The following HIVEP3 variants were observed in gnomAD, a reference collection of about 807,000 sequenced individuals.
HIVEP3 encodes the protein transcription factor HIVEP3.
HIVEP3 carries 49 observed loss-of-function variants against 152.8 expected under a neutral mutation model. The observed-to-expected ratio is 0.32, with a 90% CI of 0.26 to 0.41. The LOEUF is 0.41. Among genes scored for constraint, HIVEP3 ranks in the 10% least tolerant of loss-of-function variants. HIVEP3 has a pLI of 1.00. For synonymous variants in HIVEP3, 1,269 were observed against 1,289.0 expected (o/e 0.98, Z 0.33); for missense variants, 2,790 against 3,103.3 (o/e 0.90, Z 2.40).
chr1:42,014,920 C>T (rs1415175961), intron 1 of HIVEP3, among the ~76,000 whole-genome samples: 1 of 152,144 alleles, frequency 6.6e-6, no homozygotes, highest in Admixed American at 6.5e-5. Context: ...AGAAAGGTCT[C>T]ATTCTGTGGC....
chr1:41,992,330 C>T (rs1050671416), intron 1 of HIVEP3, among the ~76,000 whole-genome samples: 2 of 150,546 alleles, frequency 1.3e-5, no homozygotes, highest in Non-Finnish European at 2.9e-5. Context: ...GTACAAAAAT[C>T]ACAAGCATTC....
At chr1:41,888,343 C>A (rs549636782) in intron 1 of HIVEP3, among the ~76,000 whole-genome samples, 1 of 151,634 alleles carries the variant, frequency 6.6e-6, no homozygotes, top group African/African-American at 2.4e-5. Flanking sequence ...TGAGCCACCA[C>A]GCCCGGCCTA....
At chr1:41,576,890 C>T (rs1304981954) in intron 4 of HIVEP3, among the ~76,000 whole-genome samples, 2 of 152,204 alleles carry the variant, frequency 1.3e-5, no homozygotes, top group Non-Finnish European at 2.9e-5. Context: ...ATAATCTCTT[C>T]AGATTTGGAG....
intron 1 of HIVEP3, among the ~76,000 whole-genome samples, chr1:41,722,082 C>A (rs1250192458): frequency 6.6e-6 from 1 of 152,208 alleles, no homozygotes; most frequent in Non-Finnish European, 1.5e-5. Context: ...TGCCCCTACC[C>A]CTGCCCCTGG....
chr1:42,032,181 C>A (rs980905986), intron 1 of HIVEP3, among the ~76,000 whole-genome samples: 2 of 152,214 alleles, frequency 1.3e-5, no homozygotes, highest in African/African-American at 4.8e-5. Context: ...CACACCCCAA[C>A]CCCATCTCTG....
chr1:41,544,850 C>CTGT (rs1237058727), intron 5 of HIVEP3, among the ~76,000 whole-genome samples: 1 of 41,504 alleles, frequency 2.4e-5, no homozygotes, highest in Admixed American at 2.8e-4. Context: ...CCACTACCAC[C>CTGT]ACCACCACCA....
chr1:41,779,954 C>T (rs1204556570), intron 1 of HIVEP3, among the ~76,000 whole-genome samples: 1 of 152,188 alleles, frequency 6.6e-6, no homozygotes, highest in African/African-American at 2.4e-5. Flanking sequence ...ACCTCATTTC[C>T]CTCACTTCCA....
chr1:41,839,352 G>A lies in HIVEP3; in HGVS notation c.-801+79061C>T, dbSNP rs143126229. Among the ~76,000 whole-genome samples, 38 of 152,282 alleles carry A rather than the reference G, an allele frequency of 2.5e-4. No homozygotes were observed. In the East Asian group the frequency reaches 6.4e-3, roughly 26 times the overall value. The stretch of plus-strand genomic sequence containing the variant: ...TCAGAACTTGCAAGACCATTGTCCC[G>A]ATGATTGCTGGGGTTCCTTCTGGTT... On this transcript the variant is annotated intron_variant, in intron 1 of 8. Transcript: ENST00000372583.
chr1:41,606,404 A>G (rs1246265437), intron 3 of HIVEP3, among the ~76,000 whole-genome samples: 1 of 151,974 alleles, frequency 6.6e-6, no homozygotes, highest in Non-Finnish European at 1.5e-5. Flanking sequence ...CATAACAATT[A>G]CATTCTCATC....
chr1:41,744,704 T>C (rs1268990895), intron 1 of HIVEP3, among the ~76,000 whole-genome samples: 1 of 152,182 alleles, frequency 6.6e-6, no homozygotes, highest in Non-Finnish European at 1.5e-5. Flanking sequence ...ATTCAAGGGG[T>C]GAACAAGAAG....
At chr1:42,027,837 T>C (rs1248834605) in intron 1 of HIVEP3, among the ~76,000 whole-genome samples, 1 of 152,152 alleles carries the variant, frequency 6.6e-6, no homozygotes, top group Non-Finnish European at 1.5e-5. Flanking sequence ...TCAGATCTCA[T>C]GAGACTCACT....
intron 5 of HIVEP3, among the ~76,000 whole-genome samples, chr1:41,562,405 T>A (rs1406523493): frequency 6.6e-6 from 1 of 152,186 alleles, no homozygotes; most frequent in Non-Finnish European, 1.5e-5. Flanking sequence ...GCTGCATGGC[T>A]AAAAAATATT....
chr1:41,860,896 G>A (rs1250191290), intron 1 of HIVEP3, among the ~76,000 whole-genome samples: 6 of 152,322 alleles, frequency 3.9e-5, no homozygotes, highest in South Asian at 4.2e-4. Flanking sequence ...GCAGAGCAGC[G>A]AAACTGGCAG....
At chr1:41,889,579 G>A (rs1195383440) in intron 1 of HIVEP3, among the ~76,000 whole-genome samples, 1 of 152,154 alleles carries the variant, frequency 6.6e-6, no homozygotes, top group Admixed American at 6.5e-5. Flanking sequence ...GGGGACTCTA[G>A]CCCTTTTAAT....
chr1:41,940,349 G>C (rs888857089), intron 1 of HIVEP3, among the ~76,000 whole-genome samples: 15 of 152,258 alleles, frequency 9.9e-5, no homozygotes, highest in Admixed American at 5.2e-4. Flanking sequence ...ATGCCCACTA[G>C]GTGCCCAACA....
At chr1:41,558,696 T>C (rs1644007644) in intron 5 of HIVEP3, among the ~76,000 whole-genome samples, 1 of 152,166 alleles carries the variant, frequency 6.6e-6, no homozygotes, top group Admixed American at 6.5e-5. Flanking sequence ...CTGCCTCCAT[T>C]CCTTGTCACT....
At chr1:41,571,217 T>C (rs1180203497) in intron 5 of HIVEP3, among the ~76,000 whole-genome samples, 1 of 152,238 alleles carries the variant, frequency 6.6e-6, no homozygotes, top group African/African-American at 2.4e-5. Flanking sequence ...AGGTGGTTCC[T>C]ATCAATTCCA....
intron 3 of HIVEP3, among the ~76,000 whole-genome samples, chr1:41,627,714 G>A (rs1333096105): frequency 6.6e-6 from 1 of 152,156 alleles, no homozygotes; most frequent in Admixed American, 6.5e-5. Context: ...ATGTTGCCTT[G>A]GAAATCTCAG....
At chr1:41,575,427 C>T (rs1208410375) in intron 5 of HIVEP3, 117 bp downstream of exon 5, 7 of 1,089,768 alleles carry the variant, frequency 6.4e-6, no homozygotes, top group African/African-American at 1.6e-5. Context: ...TCGCTGGGAC[C>T]ACAGGGCACC....
Sources: allele counts gnomAD v4.1 joint callset (sites outside exome capture counted in the v4.1 genomes callset), GRCh38; gene constraint gnomAD v4.1.1; transcripts MANE v1.5; gene names NCBI Gene and HGNC (gene_info 2026-07-23, HGNC 2026-07-21).